Variants in SUPT3H observed in about 807,000 individuals in gnomAD.
SUPT3H encodes the protein transcription initiation protein SPT3 homolog.
In SUPT3H, 44 loss-of-function variants were observed where a neutral mutation model predicts 44.3. The observed-to-expected ratio is 0.99, with a 90% CI of 0.78 to 1.28. The LOEUF is 1.28. Among genes scored for constraint, SUPT3H ranks in the 50% most tolerant of loss-of-function variants. The pLI is 0.00. For missense variants in SUPT3H, 380 were observed against 387.1 expected (o/e 0.98, Z 0.15); for synonymous variants, 124 against 125.6 (o/e 0.99, Z 0.09).
At chr6:45,070,786 C>T (rs1016860161) in intron 3 of SUPT3H, among the ~76,000 whole-genome samples, 3 of 136,520 alleles carry the variant, frequency 2.2e-5, no homozygotes, top group Non-Finnish European at 3.2e-5. Context: ...AAAATGAAAG[C>T]AATTTCTTTT....
chr6:45,299,435 G>A (rs150923741), intron 2 of SUPT3H, among the ~76,000 whole-genome samples: 2 of 151,540 alleles, frequency 1.3e-5, no homozygotes, highest in Admixed American at 6.6e-5. Flanking sequence ...TTTAACAAAA[G>A]AAATCTTAAC....
chr6:45,307,777 T>A (rs1783296850), intron 2 of SUPT3H, among the ~76,000 whole-genome samples: 1 of 152,166 alleles, frequency 6.6e-6, no homozygotes, highest in Admixed American at 6.5e-5. Flanking sequence ...GAGAATGACT[T>A]TGACGAGTTG....
downstream of SUPT3H, among the ~76,000 whole-genome samples, chr6:44,823,122 A>AT (rs200361563): frequency 1.0e-2 from 1,152 of 115,760 alleles, 22 homozygotes; most frequent in Non-Finnish European, 0.01. Flanking sequence ...AAAAAAAAAA[A>AT]TTTTTTTCTA....
In SUPT3H at chr6:45,337,892, T is replaced by C. The variant is rs1223352160; in HGVS notation, c.101+27309A>G. Among the ~76,000 whole-genome samples, 4 of 152,140 alleles carry C rather than the reference T, an allele frequency of 2.6e-5. No homozygotes were observed. The East Asian group carries it at 7.7e-4, about 29-fold the overall frequency. ...ATTTTATTTTTTTAGAGAAAAAGTA[T>C]ATTTAAGTAAATTCTAACTTTAAGA... On this transcript the variant is annotated intron_variant, in intron 2 of 10. Transcript: ENST00000371459.
chr6:44,987,972 G>T (rs1400081544), intron 6 of SUPT3H, among the ~76,000 whole-genome samples: 1 of 152,066 alleles, frequency 6.6e-6, no homozygotes, highest in Admixed American at 6.6e-5. Flanking sequence ...GCTGGGCAGC[G>T]CCAAGGGTAT....
At chr6:44,900,591 TG>T (rs1764838904) in intron 10 of SUPT3H, among the ~76,000 whole-genome samples, 1 of 152,160 alleles carries the variant, frequency 6.6e-6, no homozygotes, top group East Asian at 1.9e-4. Context: ...ACTCCACCTC[TG>T]GGGGCAGGGC....
rs566735613 is a variant in SUPT3H, at chr6:44,905,042, C to T, written c.912+27611G>A. 7.5e-3 allele frequency among the ~76,000 whole-genome samples: 1,142 copies of T among 151,874 alleles called. 19 individuals carry two copies. The highest frequency in any genetic ancestry group is 0.026 in the African/African-American group (1,068 of 41,438). ...ATTCAAGATGGATTAAAGACTTAAA[C>T]GTTAGACCTAAAACCATAAAAACCC... On this transcript the variant is annotated intron_variant, in intron 10 of 10. Coordinates refer to ENST00000371459, the MANE Select transcript of SUPT3H (RefSeq NM_003599.4).
chr6:45,358,880 C>T (rs1310263653), intron 2 of SUPT3H, among the ~76,000 whole-genome samples: 2 of 152,102 alleles, frequency 1.3e-5, no homozygotes, highest in Non-Finnish European at 2.9e-5. Context: ...GATCTACCAT[C>T]AAATTAGTTC....
chr6:45,062,186 T>A (rs191813975), intron 3 of SUPT3H, among the ~76,000 whole-genome samples: 1 of 152,096 alleles, frequency 6.6e-6, no homozygotes. Context: ...CAGTCCATAA[T>A]AAAGTTGTTG....
At chr6:44,903,325 A>G (rs9472401) in intron 10 of SUPT3H, among the ~76,000 whole-genome samples, 133,304 of 144,764 alleles carry the variant, frequency 0.92, 62,077 homozygotes, top group Non-Finnish European at 0.99. Flanking sequence ...TCAAATAGAC[A>G]CAATAAAAAA....
chr6:44,826,102 T>TGAGA (rs1767728510), downstream of SUPT3H, among the ~76,000 whole-genome samples: 1 of 152,126 alleles, frequency 6.6e-6, no homozygotes. Flanking sequence ...TTACAACATT[T>TGAGA]GAGACTTTCT....
intron 10 of SUPT3H, among the ~76,000 whole-genome samples, chr6:44,874,893 C>T (rs1323343390): frequency 1.4e-5 from 2 of 146,940 alleles, no homozygotes; most frequent in African/African-American, 5.1e-5. Flanking sequence ...AGTGAACTCC[C>T]ATTCACAATT....
chr6:45,223,233 T>C (rs1766365459), intron 2 of SUPT3H, among the ~76,000 whole-genome samples: 1 of 152,088 alleles, frequency 6.6e-6, no homozygotes, highest in Non-Finnish European at 1.5e-5. Flanking sequence ...TCAATGGATG[T>C]TATCAATGTT....
intron 2 of SUPT3H, among the ~76,000 whole-genome samples, chr6:45,238,072 G>C (rs962500002): frequency 1.3e-5 from 2 of 152,110 alleles, no homozygotes; most frequent in Non-Finnish European, 2.9e-5. Flanking sequence ...TTGTGACAAG[G>C]CATGTTAAAC....
Position 45,288,599 on chromosome 6 carries a change from GTATATATATATATGTATATA to G in SUPT3H, c.101+76582_101+76601del, listed in dbSNP as rs1779767257. ...TATATATATGTATATATATATATGT[GTATATATATATATGTATATA>G]TATATATATATATATAGCAAAGCAT... On this transcript the variant is annotated intron_variant, in intron 2 of 10. Transcript: ENST00000371459. Among the ~76,000 whole-genome samples the G allele has an allele frequency of 2.2e-4, 7 of 32,436 alleles. 1 individual carries two copies. The highest frequency in any genetic ancestry group is 1.2e-3 in the East Asian group (1 of 844). 21.3% of individuals were successfully genotyped at this position (32,436 alleles called of 152,430 possible).
chr6:45,230,674 ATATATATATATATT>A lies in SUPT3H; in HGVS notation c.102-124682_102-124669del, dbSNP rs542073553. 1.5e-3 allele frequency among the ~76,000 whole-genome samples: 156 copies of A among 105,424 alleles called. 12 individuals carry two copies. The highest frequency in any genetic ancestry group is 4.7e-3 in the Middle Eastern group (1 of 212). 69.2% of individuals were successfully genotyped at this position (105,424 alleles called of 152,430 possible). ...AAATTCATTCAGTCTATATATATAT[ATATATATATATATT>A]TTTGAGATGGAGTCTTGCTCTATCA... On this transcript the variant is annotated intron_variant, in intron 2 of 10. Transcript: ENST00000371459.
intron 2 of SUPT3H, among the ~76,000 whole-genome samples, chr6:45,141,737 A>G (rs944853345): frequency 6.6e-6 from 1 of 152,206 alleles, no homozygotes; most frequent in African/African-American, 2.4e-5. Context: ...AGTAATAAAA[A>G]ATTGCCAACA....
chr6:45,039,301 G>A (rs1240979939), intron 3 of SUPT3H, among the ~76,000 whole-genome samples: 1 of 152,040 alleles, frequency 6.6e-6, no homozygotes, highest in African/African-American at 2.4e-5. Flanking sequence ...ATATGTGGAT[G>A]GGTATTGTCC....
intron 10 of SUPT3H, among the ~76,000 whole-genome samples, chr6:44,918,045 C>T (rs948216776): frequency 1.3e-5 from 2 of 152,016 alleles, no homozygotes; most frequent in African/African-American, 4.8e-5. Flanking sequence ...AGTTAAATGA[C>T]CAATGTATCT....
Sources: gnomAD v4.1 joint callset for allele counts (sites outside exome capture counted in the v4.1 genomes callset) on GRCh38, gnomAD v4.1.1 for gene constraint, MANE v1.5 for transcripts, NCBI Gene and HGNC (gene_info 2026-07-23, HGNC 2026-07-21) for gene names.